Variants in NEXMIF observed in about 807,000 individuals in gnomAD.
NEXMIF encodes XLMR protein related to neurite extension.
A neutral mutation model predicts 62.1 loss-of-function variants in NEXMIF; 8 were observed. The ratio of observed to expected loss-of-function variants is 0.13; its 90% confidence interval spans 0.08 to 0.23. The LOEUF (loss-of-function observed/expected upper bound fraction) is 0.23. Ranked by LOEUF, NEXMIF falls within the 10% of genes least tolerant of loss-of-function variation. NEXMIF has a pLI of 1.00. For missense variants in NEXMIF, 976 were observed against 1,113.3 expected, an observed-to-expected ratio of 0.88 and a Z score of 1.75; for synonymous variants, 404 against 416.6, an observed-to-expected ratio of 0.97 and a Z score of 0.37.
rs756639327 is a variant in NEXMIF, at chrX:74,738,857, T to TACACACAC, written c.*540_*547dup. 9.5e-6 allele frequency: 1 copy of TACACACAC among 105,266 alleles called. No individual in the cohort carries two copies. Among genetic ancestry groups the TACACACAC allele is most frequent in the African/African-American group, 3.5e-5 (1 of 28,950 alleles). 8.7% of individuals were successfully genotyped at this position (105,266 alleles called of 1,213,427 possible). A position where few individuals can be genotyped will look rare whatever the true frequency, so the allele number is the denominator to read the frequency against. The stretch of plus-strand genomic sequence containing the variant: ...GTGTATATATATATATACATATATA[T>TACACACAC]ACACACACACACACACACACAAACA... On this transcript the variant is annotated 3_prime_UTR_variant, in exon 4 of 4. Transcript: ENST00000055682.
At chrX:74,792,150 G>T (rs1208876899) in intron 1 of NEXMIF, among the ~76,000 whole-genome samples, 1 of 108,241 alleles carries the variant, frequency 9.2e-6, no homozygotes, top group Non-Finnish European at 1.9e-5. Context: ...CTTTGAATGC[G>T]TCCCAGAGAT....
rs57925416 is a variant in NEXMIF at position 74,747,642 on chromosome X, C to CTT, written c.-47-1947_-47-1946dup. On this transcript the variant is annotated intron_variant, in intron 1 of 3. Coordinates refer to ENST00000055682, the MANE Select transcript of NEXMIF (RefSeq NM_001008537.3). The stretch of plus-strand genomic sequence containing the variant: ...ATTTAAGTATCAACAATTATCCAAA[C>CTT]TTTTTTTTTTTTTTTTGAGACAGAG... 3.8e-3 allele frequency among the ~76,000 whole-genome samples: 382 copies of CTT among 99,335 alleles called. 3 individuals are homozygous for CTT. Among genetic ancestry groups the CTT allele is most frequent in the Admixed American group, 0.018 (159 of 8,993 alleles). 86.3% of individuals were successfully genotyped at this position (99,335 alleles called of 115,157 possible). A position where few individuals can be genotyped will look rare whatever the true frequency, so the allele number is the denominator to read the frequency against.
chrX:74,846,148 C>T (rs937372710), intron 1 of NEXMIF, among the ~76,000 whole-genome samples: 4 of 112,871 alleles, frequency 3.5e-5, no homozygotes, highest in African/African-American at 9.6e-5. Context: ...AGCTACTTGC[C>T]GAAGGGCCCA....
At chrX:74,923,595 A>G (rs2080833863) in intron 1 of NEXMIF, among the ~76,000 whole-genome samples, 1 of 112,147 alleles carries the variant, frequency 8.9e-6, no homozygotes, top group African/African-American at 3.2e-5. Flanking sequence ...TAAAAGATGT[A>G]AGGGAGATTC....
chrX:74,836,660 A>C (rs927365963), intron 1 of NEXMIF, among the ~76,000 whole-genome samples: 6 of 111,203 alleles, frequency 5.4e-5, no homozygotes, highest in Non-Finnish European at 1.9e-5. Flanking sequence ...GGTATCCAAG[A>C]TGCAAGACGA....
intron 1 of NEXMIF, among the ~76,000 whole-genome samples, chrX:74,902,702 T>C (rs758073406): frequency 6.3e-5 from 7 of 111,841 alleles, no homozygotes; most frequent in African/African-American, 9.8e-5. Flanking sequence ...CTGAGGACAG[T>C]TGTGAGCTTT....
In NEXMIF at chrX:74,925,381, G is replaced by T. The variant is rs1460460266; in HGVS notation, c.-546C>A. The T allele has an allele frequency of 1.1e-5, 2 of 176,738 alleles. No homozygotes were observed. The highest frequency in any genetic ancestry group is 7.8e-5 in the South Asian group (1 of 12,800). The allele number at this position is 176,738 out of a possible 1,213,427, so 14.6% of individuals were successfully genotyped here. On this transcript the variant is annotated 5_prime_UTR_variant, in exon 1 of 4. Coordinates refer to ENST00000055682, the MANE Select transcript of NEXMIF (RefSeq NM_001008537.3). ...GCTATTGCTAAATGCTGCTACTGCCGCTAATGCTACTGCTGTGGCGGCGGT... is the reference window on the plus strand; with the variant it reads ...GCTATTGCTAAATGCTGCTACTGCCTCTAATGCTACTGCTGTGGCGGCGGT...
chrX:74,853,066 G>C (rs1051169182), intron 1 of NEXMIF, among the ~76,000 whole-genome samples: 8 of 110,755 alleles, frequency 7.2e-5, no homozygotes, highest in African/African-American at 2.6e-4. Flanking sequence ...TCCATTTTCT[G>C]GGGTATATAC....
chrX:74,833,510 G>A (rs1023589124), intron 1 of NEXMIF, among the ~76,000 whole-genome samples: 1 of 111,499 alleles, frequency 9.0e-6, no homozygotes, highest in Non-Finnish European at 1.9e-5. Flanking sequence ...GGATCATGGG[G>A]TCTTGTATTT....
chrX:74,796,828 G>A (rs962765317), intron 1 of NEXMIF, among the ~76,000 whole-genome samples: 1 of 111,840 alleles, frequency 8.9e-6, no homozygotes, highest in Non-Finnish European at 1.9e-5. Context: ...TCTAAATAAT[G>A]TATGTAGATA....
rs1160504752 is a variant in NEXMIF, at chrX:74,780,316, G to A, written c.-47-34619C>T. On this transcript the variant is annotated intron_variant, in intron 1 of 3. Transcript: ENST00000055682. ...CTAGTTGGAGGCATGGTTCATGGAT[G>A]TAATAAAAATTGTGTGCCTTTTGAC... Among the ~76,000 whole-genome samples, 4 of 110,244 alleles carry A rather than the reference G, an allele frequency of 3.6e-5. No individual in the cohort carries two copies. In the Admixed American group the frequency reaches 3.9e-4, roughly 11 times the overall value.
intron 1 of NEXMIF, among the ~76,000 whole-genome samples, chrX:74,861,028 C>T (rs959078028): frequency 9.9e-5 from 11 of 111,474 alleles, no homozygotes; most frequent in Admixed American, 9.5e-5. Context: ...AAAGAGAGAA[C>T]GCACAAATAA....
Position 74,733,830 on chromosome X carries a change from G to A in NEXMIF, c.*5575C>T, listed in dbSNP as rs757796597. The stretch of plus-strand genomic sequence containing the variant: ...GTGTTACAAAATTTCCAACAAAAGT[G>A]TATTTTTTTTCTTTGTATTGTGGTT... On this transcript the variant is annotated 3_prime_UTR_variant, in exon 4 of 4. Transcript: ENST00000055682. 8.9e-6 allele frequency: 1 copy of A among 112,274 alleles called. No homozygotes were observed. The highest frequency in any genetic ancestry group is 3.2e-5 in the African/African-American group (1 of 30,842). The allele number at this position is 112,274 out of a possible 1,213,427, so 9.3% of individuals were successfully genotyped here.
intron 1 of NEXMIF, among the ~76,000 whole-genome samples, chrX:74,779,880 C>A (rs1437083389): frequency 8.9e-6 from 1 of 111,832 alleles, no homozygotes; most frequent in African/African-American, 3.3e-5. Flanking sequence ...AGCTGGGCTG[C>A]AATAAGGGAT....
chrX:74,773,784 C>T (rs2080218879), intron 1 of NEXMIF, among the ~76,000 whole-genome samples: 1 of 107,085 alleles, frequency 9.3e-6, no homozygotes, highest in Non-Finnish European at 1.9e-5. Context: ...TGGCGGGCGC[C>T]TGTAATTCCA....
At chrX:74,878,979 G>A (rs765668291) in intron 1 of NEXMIF, among the ~76,000 whole-genome samples, 13 of 112,548 alleles carry the variant, frequency 1.2e-4, no homozygotes, top group South Asian at 7.3e-4. Context: ...GCTGTAGACC[G>A]CAGCTGTTCC....
chrX:74,882,979 G>C (rs971717121), intron 1 of NEXMIF, among the ~76,000 whole-genome samples: 20 of 111,448 alleles, frequency 1.8e-4, no homozygotes, highest in Non-Finnish European at 1.9e-5. Context: ...AGCAGCATTT[G>C]CGGTTCACCA....
intron 1 of NEXMIF, among the ~76,000 whole-genome samples, chrX:74,875,455 CT>C (rs1336890966): frequency 6.3e-4 from 70 of 111,723 alleles, no homozygotes; most frequent in Admixed American, 4.5e-3. Flanking sequence ...CTAAAATTCT[CT>C]TTTTTGGTTG....
intron 1 of NEXMIF, among the ~76,000 whole-genome samples, chrX:74,823,697 C>CAGATAGATAGATAGAT (rs60606226): frequency 7.9e-5 from 8 of 101,707 alleles, no homozygotes; most frequent in African/African-American, 1.8e-4. Flanking sequence ...CAGAGAAAGA[C>CAGATAGATAGATAGAT]AGATAGATAG....
Sources: allele counts gnomAD v4.1 joint callset (sites outside exome capture counted in the v4.1 genomes callset), GRCh38; gene constraint gnomAD v4.1.1; transcripts MANE v1.5; gene names NCBI Gene and HGNC (gene_info 2026-07-23, HGNC 2026-07-21).